The following COL23A1 variants were observed in gnomAD, a reference collection of about 807,000 sequenced individuals.
COL23A1 encodes the protein collagen alpha-1(XXIII) chain.
A neutral mutation model predicts 99.3 loss-of-function variants in COL23A1; 97 were observed. That is an observed-to-expected ratio of 0.98 (90% confidence interval 0.83 to 1.16). The LOEUF (loss-of-function observed/expected upper bound fraction) is 1.16, where lower values mean the gene tolerates loss of function less well. Ranked by LOEUF, COL23A1 falls within the 50% of genes most tolerant of loss-of-function variation. COL23A1 has a pLI of 0.00. For missense variants in COL23A1, 762 were observed against 757.4 expected, an observed-to-expected ratio of 1.01 and a Z score of -0.07; for synonymous variants, 320 against 308.2, an observed-to-expected ratio of 1.04 and a Z score of -0.40.
chr5:178,523,193 T>TATACATATATATATATATACAC (rs1562051755), intron 2 of COL23A1, among the ~76,000 whole-genome samples: 1 of 79,996 alleles, frequency 1.3e-5, no homozygotes, highest in East Asian at 3.3e-4. Context: ...TATATATATA[T>TATACATATATATATATATACAC]ATATATATAG....
chr5:178,455,457 G>C (rs969457858), intron 2 of COL23A1, among the ~76,000 whole-genome samples: 1 of 152,174 alleles, frequency 6.6e-6, no homozygotes, highest in African/African-American at 2.4e-5. Flanking sequence ...GTAAGCTTAG[G>C]TCCTCCTGTG....
intron 2 of COL23A1, among the ~76,000 whole-genome samples, chr5:178,463,212 A>C (rs1484130381): frequency 6.6e-6 from 1 of 152,244 alleles, no homozygotes; most frequent in African/African-American, 2.4e-5. Context: ...CACCGTTTTT[A>C]CTTCAGGCTA....
At chr5:178,410,322 C>T (rs1259738040) in intron 2 of COL23A1, among the ~76,000 whole-genome samples, 5 of 152,186 alleles carry the variant, frequency 3.3e-5, no homozygotes, top group Non-Finnish European at 7.4e-5. Flanking sequence ...ATTCAATGCA[C>T]TTCCTATCAA....
chr5:178,479,865 T>G (rs907419318), intron 2 of COL23A1, among the ~76,000 whole-genome samples: 1 of 152,174 alleles, frequency 6.6e-6, no homozygotes, highest in African/African-American at 2.4e-5. Flanking sequence ...TGTCATTGTG[T>G]GAACATCATA....
chr5:178,523,153 T>C (rs1288519073), intron 2 of COL23A1, among the ~76,000 whole-genome samples: 4 of 93,740 alleles, frequency 4.3e-5, no homozygotes, highest in Non-Finnish European at 9.3e-5. Context: ...AATATATATA[T>C]ATATATATAC....
At chr5:178,257,719 C>T in intron 12 of COL23A1, 152 bp from the exon 13 acceptor site, 1 of 785,532 alleles carries the variant, frequency 1.3e-6, no homozygotes, top group Admixed American at 2.1e-5. Context: ...CTTGCCCCTC[C>T]AGGGCAGGTG....
At position 178,309,179 on chromosome 5, in the gene COL23A1, A is replaced by G. The variant is rs992729698; in HGVS notation, c.362-2260T>C. 2.0e-5 allele frequency among the ~76,000 whole-genome samples: 3 copies of G among 152,190 alleles called. No homozygotes were observed. Among genetic ancestry groups the G allele is most frequent in the Non-Finnish European group, 1.5e-5 (1 of 68,030 alleles). ...TCTGGGTAACTGAAGCCAGATGAAG[A>G]CATCTGCCTGTGTTGGGGCAGCTGA... On this transcript the variant is annotated intron_variant, in intron 2 of 28. Transcript: ENST00000390654. The surrounding 1 kb of genome is among the most constrained non-coding windows in gnomAD (Gnocchi z 4.7).
Position 178,327,392 on chromosome 5 carries a change from A to G in COL23A1, c.362-20473T>C, listed in dbSNP as rs73804794. 2.4e-3 allele frequency among the ~76,000 whole-genome samples: 358 copies of G among 152,232 alleles called. 3 individuals carry two copies. Among genetic ancestry groups the G allele is most frequent in the African/African-American group, 8.4e-3 (349 of 41,524 alleles). ...CTGGGTACAGAAGGGGCTACGGAAA[A>G]CACCTATGGAAAACCTGCCCACCTC... On this transcript the variant is annotated intron_variant, in intron 2 of 28. Coordinates refer to ENST00000390654, the MANE Select transcript of COL23A1 (RefSeq NM_173465.4).
chr5:178,508,830 C>T (rs1359199542), intron 2 of COL23A1, among the ~76,000 whole-genome samples: 1 of 152,194 alleles, frequency 6.6e-6, no homozygotes, highest in Non-Finnish European at 1.5e-5. Context: ...CTGTGTCATT[C>T]CTTGTGTCCC....
chr5:178,477,036 A>G (rs998529285), intron 2 of COL23A1, among the ~76,000 whole-genome samples: 1 of 152,176 alleles, frequency 6.6e-6, no homozygotes, highest in Non-Finnish European at 1.5e-5. Flanking sequence ...TCCCTATAGT[A>G]GGGTTAACAG....
chr5:178,331,127 A>G (rs1295628948), intron 2 of COL23A1, among the ~76,000 whole-genome samples: 1 of 152,230 alleles, frequency 6.6e-6, no homozygotes, highest in Admixed American at 6.5e-5. Flanking sequence ...AAAAGGAGTG[A>G]CTGGCCCCAA....
chr5:178,379,878 T>A (rs7726772), intron 2 of COL23A1, among the ~76,000 whole-genome samples: 3,347 of 130,124 alleles, frequency 0.026, 129 homozygotes, highest in African/African-American at 0.095. Context: ...CGAAACTCCA[T>A]CTCAAAAAAA....
At chr5:178,409,717 CACAAAGTATGTAGA>C (rs1764966193) in intron 2 of COL23A1, among the ~76,000 whole-genome samples, 1 of 152,142 alleles carries the variant, frequency 6.6e-6, no homozygotes, top group Admixed American at 6.5e-5. Flanking sequence ...ACAATATAAT[CACAAAGTATGTAGA>C]ACTCAGAAAT....
At position 178,388,938 on chromosome 5, in the gene COL23A1, A is replaced by G. The variant is rs528528660; in HGVS notation, c.362-82019T>C. Among the ~76,000 whole-genome samples, 42 of 152,304 alleles carry G rather than the reference A, an allele frequency of 2.8e-4. No individual in the cohort carries two copies. In the South Asian group the frequency reaches 8.7e-3, roughly 32 times the overall value. On this transcript the variant is annotated intron_variant, in intron 2 of 28. Coordinates refer to ENST00000390654, the MANE Select transcript of COL23A1 (RefSeq NM_173465.4). ...AGGGGATTATACGATAAGATTTCCC[A>G]AACTTCTGTGACTGTGGAACCCTTT...
chr5:178,300,976 G>A (rs10050487), intron 3 of COL23A1, among the ~76,000 whole-genome samples: 9,291 of 151,810 alleles, frequency 0.061, 357 homozygotes, highest in East Asian at 0.11. Flanking sequence ...TAGATTAATG[G>A]TTTTCTTCAA....
chr5:178,484,743 A>G (rs1757521097), intron 2 of COL23A1, among the ~76,000 whole-genome samples: 1 of 148,228 alleles, frequency 6.7e-6, no homozygotes, highest in South Asian at 2.1e-4. Flanking sequence ...AATGGTGTGA[A>G]CCTGGGAGGT....
chr5:178,506,968 G>T (rs183453111), intron 2 of COL23A1, among the ~76,000 whole-genome samples: 3 of 152,150 alleles, frequency 2.0e-5, no homozygotes, highest in African/African-American at 4.8e-5. Flanking sequence ...ATTAAGAGAT[G>T]ATTTTTATTC....
At chr5:178,393,405 T>C (rs952513355) in intron 2 of COL23A1, among the ~76,000 whole-genome samples, 2 of 152,114 alleles carry the variant, frequency 1.3e-5, no homozygotes, top group African/African-American at 4.8e-5. Flanking sequence ...TATGGCTTAA[T>C]GGGTGCAGAG....
intron 2 of COL23A1, among the ~76,000 whole-genome samples, chr5:178,346,232 T>C (rs1760962979): frequency 6.6e-6 from 1 of 152,054 alleles, no homozygotes; most frequent in Non-Finnish European, 1.5e-5. Flanking sequence ...TTTATTTTTG[T>C]TGTTGTTTGT....
Sources: gnomAD v4.1 joint callset for allele counts (sites outside exome capture counted in the v4.1 genomes callset) on GRCh38, gnomAD v4.1.1 for gene constraint, Gnocchi (gnomAD v3.1) non-coding constraint, MANE v1.5 for transcripts, NCBI Gene and HGNC (gene_info 2026-07-23, HGNC 2026-07-21) for gene names.